Variants in DTD1 observed in about 807,000 individuals in gnomAD.
DTD1 encodes the protein D-tyrosyl-tRNA deacylase 1 homolog.
In DTD1, 13 loss-of-function variants were observed where a neutral mutation model predicts 25.6. The ratio of observed to expected loss-of-function variants is 0.51; its 90% CI spans 0.33 to 0.81. The LOEUF (loss-of-function observed/expected upper bound fraction) is 0.81, where lower values mean the gene tolerates loss of function less well. Ranked by LOEUF, DTD1 falls within the 30% of genes least tolerant of loss-of-function variation. The pLI, the probability that DTD1 is intolerant of heterozygous loss-of-function variation, is 0.02. For synonymous variants in DTD1, 110 were observed against 103.6 expected (o/e 1.06, Z -0.37); for missense variants, 193 against 266.4 (o/e 0.72, Z 1.92).
intron 4 of DTD1, among the ~76,000 whole-genome samples, chr20:18,658,192 T>G (rs1010236525): frequency 1.1e-4 from 4 of 35,434 alleles, no homozygotes; most frequent in Non-Finnish European, 3.5e-4. Flanking sequence ...GTCTGAGATG[T>G]GTGTGTGTGT....
chr20:18,590,266 C>T (rs1239114835), intron 1 of DTD1, among the ~76,000 whole-genome samples: 7 of 152,182 alleles, frequency 4.6e-5, no homozygotes, highest in Admixed American at 3.3e-4. Flanking sequence ...CAACCTCAAA[C>T]GCTTGGGCTC....
Position 18,706,843 on chromosome 20 carries a change from C to T in DTD1, c.478-37257C>T, listed in dbSNP as rs149302075. Among the ~76,000 whole-genome samples the T allele has an allele frequency of 3.5e-4, 53 of 152,302 alleles. 1 individual carries two copies. The East Asian group carries it at 9.5e-3, about 27-fold the overall frequency. On this transcript the variant is annotated intron_variant, in intron 4 of 5. Coordinates refer to ENST00000377452, the MANE Select transcript of DTD1 (RefSeq NM_080820.6). Reference sequence around the variant, plus strand: ...TTTAAGACTCTGAAAGGAAGTGCTGCCATTGTAATTGAGTTCTTTTTAATC... The same window carrying T: ...TTTAAGACTCTGAAAGGAAGTGCTGTCATTGTAATTGAGTTCTTTTTAATC...
intron 4 of DTD1, among the ~76,000 whole-genome samples, chr20:18,736,813 A>C (rs1363451092): frequency 6.6e-6 from 1 of 152,244 alleles, no homozygotes; most frequent in Non-Finnish European, 1.5e-5. Flanking sequence ...CTCAGCTGGC[A>C]TAAAAGCTTG....
Position 18,736,290 on chromosome 20 carries a change from C to CT in DTD1, c.478-7808dup, listed in dbSNP as rs566423126. On this transcript the variant is annotated intron_variant, in intron 4 of 5. Coordinates refer to ENST00000377452, the MANE Select transcript of DTD1 (RefSeq NM_080820.6). ...GTGCTGCTGGTTGCAGGCAGCTCACCTTGTCTGATTTTCCCCTGGAGTGAG... is the reference window on the plus strand; with the variant it reads ...GTGCTGCTGGTTGCAGGCAGCTCACCTTTGTCTGATTTTCCCCTGGAGTGAG... 9.7e-4 allele frequency among the ~76,000 whole-genome samples: 147 copies of CT among 152,282 alleles called. 3 individuals carry two copies. The South Asian group carries it at 0.029, about 30-fold the overall frequency.
chr20:18,690,934 AGAATTTTAACATGGGCAAAG>A (rs1440897746), intron 4 of DTD1, among the ~76,000 whole-genome samples: 5 of 152,198 alleles, frequency 3.3e-5, no homozygotes, highest in African/African-American at 9.7e-5. Flanking sequence ...TGCTTTGGGC[AGAATTTTAACATGGGCAAAG>A]GACATGAACA....
intron 4 of DTD1, among the ~76,000 whole-genome samples, chr20:18,692,773 A>G (rs2061052422): frequency 6.6e-6 from 1 of 152,214 alleles, no homozygotes; most frequent in Non-Finnish European, 1.5e-5. Flanking sequence ...TTTCTGCCAA[A>G]CAGGATAGAG....
At chr20:18,701,339 G>A (rs1303622435) in intron 4 of DTD1, among the ~76,000 whole-genome samples, 1 of 152,236 alleles carries the variant, frequency 6.6e-6, no homozygotes, top group Non-Finnish European at 1.5e-5. Context: ...ACCCCAATAA[G>A]GGGGGCATAT....
At chr20:18,731,835 T>C (rs1451319544) in intron 4 of DTD1, among the ~76,000 whole-genome samples, 2 of 152,220 alleles carry the variant, frequency 1.3e-5, no homozygotes, top group Non-Finnish European at 2.9e-5. Flanking sequence ...TTCAGCCTTT[T>C]GCTTTTCTGG....
intron 4 of DTD1, among the ~76,000 whole-genome samples, chr20:18,741,895 GTATT>G (rs555765282): frequency 0.17 from 19,582 of 116,612 alleles, 1,475 homozygotes; most frequent in Admixed American, 0.23. Context: ...GCTAACCTTT[GTATT>G]TTTTTTTTTT....
At chr20:18,704,488 A>G (rs564094697) in intron 4 of DTD1, among the ~76,000 whole-genome samples, 31 of 152,316 alleles carry the variant, frequency 2.0e-4, no homozygotes, top group African/African-American at 7.5e-4. Context: ...ACCAAGGGCA[A>G]ATATGGGAGG....
chr20:18,635,000 A>G (rs897849215), intron 4 of DTD1, among the ~76,000 whole-genome samples: 3 of 152,212 alleles, frequency 2.0e-5, no homozygotes, highest in African/African-American at 7.2e-5. Context: ...TCTTCATGGA[A>G]GAACAGTTAT....
chr20:18,659,749 G>T (rs1039267872), intron 4 of DTD1, among the ~76,000 whole-genome samples: 1 of 152,042 alleles, frequency 6.6e-6, no homozygotes, highest in South Asian at 2.1e-4. Context: ...ACTGGGGCCT[G>T]TCAGGGAGTG....
intron 4 of DTD1, among the ~76,000 whole-genome samples, chr20:18,726,640 C>T (rs1008611327): frequency 1.8e-4 from 27 of 152,286 alleles, no homozygotes; most frequent in African/African-American, 6.3e-4. Flanking sequence ...CTTGTTGTCA[C>T]TTAGTGGGGA....
intron 3 of DTD1, among the ~76,000 whole-genome samples, chr20:18,599,381 G>T (rs950698077): frequency 6.6e-6 from 1 of 151,928 alleles, no homozygotes; most frequent in Non-Finnish European, 1.5e-5. Flanking sequence ...TGGCATGTTG[G>T]CCAGGCTGGT....
At chr20:18,596,332 T>C (rs2060611524) in intron 3 of DTD1, 91 bp downstream of exon 3, 1 of 1,079,796 alleles carries the variant, frequency 9.3e-7, no homozygotes, top group Admixed American at 2.4e-5. Context: ...TCTCCTTTTC[T>C]GGAAAGTCAT....
intron 3 of DTD1, among the ~76,000 whole-genome samples, chr20:18,606,388 G>C (rs1243877274): frequency 7.3e-6 from 1 of 136,958 alleles, no homozygotes; most frequent in African/African-American, 2.7e-5. Context: ...CAGGGATCTA[G>C]AACTAGAAAT....
intron 4 of DTD1, among the ~76,000 whole-genome samples, chr20:18,678,018 C>T (rs1436624702): frequency 6.6e-6 from 1 of 152,212 alleles, no homozygotes; most frequent in Non-Finnish European, 1.5e-5. Context: ...ATTAGAAATG[C>T]AGGTTTCACT....
intron 4 of DTD1, among the ~76,000 whole-genome samples, chr20:18,652,952 G>GT (rs2060879550): frequency 1.3e-5 from 2 of 152,200 alleles, no homozygotes; most frequent in Admixed American, 1.3e-4. Flanking sequence ...AGAGGAGAGA[G>GT]TTGTTCAGGA....
chr20:18,677,792 T>C (rs2060982043), intron 4 of DTD1, among the ~76,000 whole-genome samples: 1 of 152,212 alleles, frequency 6.6e-6, no homozygotes, highest in African/African-American at 2.4e-5. Flanking sequence ...CTTTACAAAC[T>C]TCTATCCAAA....
Sources: allele counts gnomAD v4.1 joint callset (sites outside exome capture counted in the v4.1 genomes callset), GRCh38; gene constraint gnomAD v4.1.1; transcripts MANE v1.5; gene names NCBI Gene and HGNC (gene_info 2026-07-23, HGNC 2026-07-21).